The following TTN variants were observed in gnomAD, a reference collection of about 807,000 sequenced individuals.
TTN encodes the protein connectin.
In TTN, 1,525 loss-of-function variants were observed where a neutral mutation model predicts 3,223.0. That is an observed-to-expected ratio of 0.47 (90% CI 0.45 to 0.49). The LOEUF is 0.49. Ranked by LOEUF, TTN falls within the 20% of genes least tolerant of loss-of-function variation. The pLI, the probability that TTN is intolerant of heterozygous loss-of-function variation, is 0.00. For missense variants in TTN, 40,786 were observed against 43,424.0 expected (o/e 0.94, Z 5.40); for synonymous variants, 14,094 against 15,161.0 (o/e 0.93, Z 5.17).
chr2:178,781,276 G>A lies in TTN; in HGVS notation c.3381-13C>T. On this transcript the variant is annotated splice_polypyrimidine_tract_variant and intron_variant, in intron 20 of 362. Coordinates refer to ENST00000589042, the MANE Select transcript of TTN (RefSeq NM_001267550.2). ...ACTCACTTTGTATCTTTATGTAAAT[G>A]TACAAAATTTAAAAATCAGTTATCA... The A allele has an allele frequency of 6.2e-7, 1 of 1,613,550 alleles. No individual in the cohort carries two copies. Among genetic ancestry groups the A allele is most frequent in the Non-Finnish European group, 8.5e-7 (1 of 1,179,756 alleles).
At chr2:178,783,344 T>A (rs182896477) in intron 17 of TTN, among the ~76,000 whole-genome samples, 55 of 152,332 alleles carry the variant, frequency 3.6e-4, no homozygotes, top group Admixed American at 8.5e-4. Flanking sequence ...GGATTCTCCT[T>A]CTGTTGTGAT....
At position 178,535,111 on chromosome 2, in the gene TTN, C is replaced by T. The variant is rs373854384; in HGVS notation, c.101504G>A (p.Arg33835His). Residue 33835 changes from arginine to histidine, a missense_variant, in exon 358 of 363, where the codon CGT becomes CAT. Coordinates refer to ENST00000589042, the MANE Select transcript of TTN (RefSeq NM_001267550.2). ...LGRGEFGIVH[R>H]CVETSSKKTY... ...CTTCTTTGAGGATGTTTCAACACAA[C>T]GATGGACAATTCCAAACTCACCACG... The T allele has an allele frequency of 1.5e-5, 24 of 1,613,692 alleles. No homozygotes were observed. Among genetic ancestry groups the T allele is most frequent in the East Asian group, 6.7e-5 (3 of 44,892 alleles).
chr2:178,585,342 G>A lies in TTN; in HGVS notation c.64402C>T (p.Pro21468Ser). Residue 21468 changes from proline to serine, a missense_variant, in exon 309 of 363, where the codon CCA (proline) becomes TCA (serine). Coordinates refer to ENST00000589042, the MANE Select transcript of TTN (RefSeq NM_001267550.2). ...VYEAKEQLLP[P>S]KILMPEQITI... ...ATTTGCTCTGGCATAAGGATCTTTG[G>A]TGGCACTGAAAGTAAAATGAAAAGA... 2 of 1,574,756 alleles carry A rather than the reference G, an allele frequency of 1.3e-6. No homozygotes were observed. The highest frequency in any genetic ancestry group is 1.7e-6 in the Non-Finnish European group (2 of 1,163,122).
chr2:178,794,407 G>C lies in TTN; in HGVS notation c.1390C>G (p.Gln464Glu). The change falls in exon 8 of 363, where the codon CAA (glutamine) becomes GAA (glutamate). Residue 464 changes from glutamine to glutamate, a missense_variant. Coordinates refer to ENST00000589042, the MANE Select transcript of TTN (RefSeq NM_001267550.2). Reference protein sequence around the residue: ...TTTAVHIQPAQEQVRKEAEKT... With the variant: ...TTTAVHIQPAEEQVRKEAEKT... ...GGCAGCCTCGCACGTACCTGTTCTT[G>C]AGCAGGTTGGATGTGCACAGCAGTC... 3 of 1,614,142 alleles carry C rather than the reference G, an allele frequency of 1.9e-6. No individual in the cohort carries two copies. Among genetic ancestry groups the C allele is most frequent in the Non-Finnish European group, 2.5e-6 (3 of 1,180,000 alleles).
In TTN at chr2:178,571,237, T is replaced by C. The variant is rs201512527; in HGVS notation, c.74895A>G (p.Gln24965=). 6 of 1,613,416 alleles carry C rather than the reference T, an allele frequency of 3.7e-6. No individual in the cohort carries two copies. The Admixed American group carries it at 1.0e-4, about 27-fold the overall frequency. Residue 24965 remains glutamine, a synonymous_variant, in exon 326 of 363, where the codon CAA becomes CAG. Coordinates refer to ENST00000589042, the MANE Select transcript of TTN (RefSeq NM_001267550.2). The part of the protein sequence containing the change: ...WVKLNKTPIP[Q]TKFKTTGLEE... ...CAAGGCCAGTTGTCTTAAACTTGGT[T>C]TGAGGAATAGGTGTTTTATTCAACT...
rs1400926434 is a variant in TTN, at chr2:178,552,036, A to G, written c.90864T>C (p.Asn30288=). 3 of 1,613,468 alleles carry G rather than the reference A, an allele frequency of 1.9e-6. No homozygotes were observed. Among genetic ancestry groups the G allele is most frequent in the Non-Finnish European group, 2.5e-6 (3 of 1,179,702 alleles). Residue 30288 remains asparagine, a synonymous_variant, in exon 335 of 363, where the codon AAT becomes AAC. Transcript: ENST00000589042. ...ACTGGTACTCAGCATCTTTGACTAG[A>G]TTAGGAACTTTGAAAGTCGTTCTGG... ...SVARTTFKVP[N]LVKDAEYQFR...
Position 178,689,341 on chromosome 2 carries a change from C to A in TTN, c.31960G>T (p.Glu10654Ter). 1 of 1,613,784 alleles carries A rather than the reference C, an allele frequency of 6.2e-7. No individual in the cohort carries two copies. Among genetic ancestry groups the A allele is most frequent in the Non-Finnish European group, 8.5e-7 (1 of 1,179,828 alleles). ...PEIPKKKVPE[E>*]RKPVPRKEEE... ...TCCTTCCGAGGAACAGGTTTCCTTT[C>A]TTCAGGAACTTTCTTCTTTGGTATT... The change falls in exon 124 of 363, where the codon GAA becomes TAA. Residue 10654 changes from glutamate (E) to a stop codon, truncating the protein, a stop_gained. Transcript: ENST00000589042. LOFTEE classifies it high-confidence loss of function.
rs751884113 is a variant in TTN, at chr2:178,769,764, G to A, written c.8817C>T (p.Ile2939=). Residue 2939 remains isoleucine (I), a synonymous_variant, in exon 37 of 363, where the codon ATC becomes ATT. Coordinates refer to ENST00000589042, the MANE Select transcript of TTN (RefSeq NM_001267550.2). ...AGTCCTCTGTGCTGGTGTTCATGAT[G>A]ATCAGCTGATGGAGTTTTCCCTGCA... ...IVVQGKLHQL[I]IMNTSTEDSA... is the part of the protein sequence containing the mutation. 6.2e-7 allele frequency: 1 copy of A among 1,614,004 alleles called. No homozygotes were observed. Among genetic ancestry groups the A allele is most frequent in the South Asian group, 1.1e-5 (1 of 91,064 alleles).
At chr2:178,665,267 T>A in intron 165 of TTN, 110 bp downstream of exon 165, 1 of 1,074,288 alleles carries the variant, frequency 9.3e-7, no homozygotes, top group Non-Finnish European at 1.4e-6. Context: ...ACTTAAAAGA[T>A]ATTAGTATGT....
chr2:178,730,021 T>TCG, intron 62 of TTN, 72 bp downstream of exon 62: 37 of 1,557,638 alleles, frequency 2.4e-5, no homozygotes, highest in Non-Finnish European at 3.0e-5. Flanking sequence ...GTCTTAAGCG[T>TCG]CCCCCGCCCC....
chr2:178,545,330 A>G, intron 344 of TTN, 58 bp downstream of exon 344: 1 of 1,443,092 alleles, frequency 6.9e-7, no homozygotes, highest in Non-Finnish European at 9.2e-7. Flanking sequence ...GTGTTGGAAA[A>G]TTATCTGTCA....
Position 178,740,349 on chromosome 2 carries a change from T to G in TTN, c.12884A>C (p.His4295Pro). The G allele has an allele frequency of 5.0e-6, 8 of 1,613,716 alleles. No homozygotes were observed. Among genetic ancestry groups the G allele is most frequent in the Non-Finnish European group, 6.8e-6 (8 of 1,179,774 alleles). Reference sequence around the variant, plus strand: ...AATTTTACCTCCTTCTGTGCATGAGTGTTCTGAAGGGACTAGGGGCTCATA... The same window carrying G: ...AATTTTACCTCCTTCTGTGCATGAGGGTTCTGAAGGGACTAGGGGCTCATA... ...VNYEPLVPSE[H>P]SCTEGGKILI... The change falls in exon 48 of 363, where the codon CAC becomes CCC. Residue 4295 changes from histidine (H) to proline (P), a missense_variant. By Grantham distance (77) the His-to-Pro change is moderately conservative. Transcript: ENST00000589042.
intron 47 of TTN, chr2:178,745,752 C>T (rs1276355552): frequency 1.2e-6 from 2 of 1,612,854 alleles, no homozygotes; most frequent in South Asian, 2.2e-5. Context: ...AATTTTCCAT[C>T]TTTGTACCAG....
chr2:178,672,471 T>C lies in TTN; in HGVS notation c.34866A>G (p.Val11622=). 2 of 1,597,472 alleles carry C rather than the reference T, an allele frequency of 1.3e-6. No individual in the cohort carries two copies. Among genetic ancestry groups the C allele is most frequent in the Non-Finnish European group, 1.7e-6 (2 of 1,175,250 alleles). ...KEAPPAKVPE[V]PKKVPEKKVL... ...CTTTCTTTTCTGGGACTTTCTTTGG[T>C]ACTTCAGGCACTTTAAAGATACAGT... Residue 11622 remains valine (V), a synonymous_variant, in exon 154 of 363, where the codon GTA becomes GTG. Coordinates refer to ENST00000589042, the MANE Select transcript of TTN (RefSeq NM_001267550.2).
Position 178,764,808 on chromosome 2 carries a change from G to A in TTN, c.9707C>T (p.Pro3236Leu), listed in dbSNP as rs146199720. ...CTCCTGCAGAACTTGGGGCGGTTCA[G>A]GAGCTAGGAGTAAATGTTGACAAAT... is the stretch of plus-strand genomic sequence containing the variant. The part of the protein sequence containing the change: ...RSSVTLYVNA[P>L]EPPQVLQELQ... The change falls in exon 42 of 363, where the codon CCT (proline) becomes CTT (leucine). Residue 3236 changes from proline (P) to leucine (L), a missense_variant. Coordinates refer to ENST00000589042, the MANE Select transcript of TTN (RefSeq NM_001267550.2). 3.1e-4 allele frequency: 504 copies of A among 1,612,798 alleles called. No individual in the cohort carries two copies. Among genetic ancestry groups the A allele is most frequent in the Non-Finnish European group, 3.7e-4 (440 of 1,179,850 alleles).
rs1169614392 is a variant in TTN at position 178,717,377 on chromosome 2, C to T, written c.25357G>A (p.Glu8453Lys). Residue 8453 changes from glutamate to lysine, a missense_variant, in exon 88 of 363, where the codon GAA becomes AAA. By Grantham distance (56) the Glu-to-Lys change is moderately conservative. Transcript: ENST00000589042. Reference sequence around the variant, plus strand: ...TTTAGATCAAAGAAAGGAGGCACTTCATGCTCTGAAAAGAATGAAGACCAA... The same window carrying T: ...TTTAGATCAAAGAAAGGAGGCACTTTATGCTCTGAAAAGAATGAAGACCAA... ...SSAKLILSEHEVPPFFDLKPV... is the reference protein window; with the variant it reads ...SSAKLILSEHKVPPFFDLKPV... 2 of 1,605,152 alleles carry T rather than the reference C, an allele frequency of 1.2e-6. No homozygotes were observed. The highest frequency in any genetic ancestry group is 1.7e-5 in the Admixed American group (1 of 59,398).
rs1486016797 is a variant in TTN, at chr2:178,785,856, A to G, written c.2362T>C (p.Ser788Pro). ...KTTDQKGMHI[S>P]SQIKKTTDLT... Reference sequence around the variant, plus strand: ...AGCAGGTATAGACTCACCTGTGATGATATGTGCATTCCCTTTTGATCAGTA... The same window carrying G: ...AGCAGGTATAGACTCACCTGTGATGGTATGTGCATTCCCTTTTGATCAGTA... The change falls in exon 14 of 363, where the codon TCA becomes CCA. Residue 788 changes from serine to proline, a missense_variant. By Grantham distance (74) the Ser-to-Pro change is moderately conservative. Coordinates refer to ENST00000589042, the MANE Select transcript of TTN (RefSeq NM_001267550.2). The G allele has an allele frequency of 3.7e-6, 6 of 1,614,100 alleles. No homozygotes were observed. In the South Asian group the frequency reaches 5.5e-5, roughly 15 times the overall value.
chr2:178,592,921 G>C lies in TTN; in HGVS notation c.59198C>G (p.Thr19733Ser), dbSNP rs749461231. The change falls in exon 300 of 363, where the codon ACC becomes AGC. Residue 19733 changes from threonine (T) to serine (S), a missense_variant. Physicochemically the swap from Thr to Ser is moderately conservative, Grantham distance 58. Transcript: ENST00000589042. ...GDEEWRRANH[T>S]PESCPETKYK... ...TTTAGTTTCAGGACATGACTCAGGG[G>C]TGTGATTGGCTCTTCTCCACTCTTC... is the stretch of plus-strand genomic sequence containing the variant. 1 of 1,613,482 alleles carries C rather than the reference G, an allele frequency of 6.2e-7. No individual in the cohort carries two copies. The highest frequency in any genetic ancestry group is 1.1e-5 in the South Asian group (1 of 91,072).
At chr2:178,672,927 C>CT (rs966264704) in intron 152 of TTN, among the ~76,000 whole-genome samples, 19 of 149,226 alleles carry the variant, frequency 1.3e-4, no homozygotes, top group Middle Eastern at 3.5e-3. Context: ...CTGTGCCATT[C>CT]TTTTTTTTTT....
Sources: allele counts gnomAD v4.1 joint callset (sites outside exome capture counted in the v4.1 genomes callset), GRCh38; gene constraint gnomAD v4.1.1; transcripts MANE v1.5; gene names NCBI Gene and HGNC (gene_info 2026-07-23, HGNC 2026-07-21).